The following SGSM1 variants were observed in gnomAD, a reference collection of about 807,000 sequenced individuals.
SGSM1 encodes the protein small G protein signaling modulator 1.
Under a neutral mutation model 133.8 loss-of-function variants are expected in SGSM1, and 73 were observed. The ratio of observed to expected loss-of-function variants is 0.55; its 90% confidence interval spans 0.45 to 0.66. The LOEUF is 0.66. SGSM1 is among the 30% of genes least tolerant of loss of function. SGSM1 has a pLI of 0.00. For missense variants in SGSM1, 1,213 were observed against 1,448.1 expected (o/e 0.84, Z 2.64); for synonymous variants, 563 against 573.0 (o/e 0.98, Z 0.25).
intron 12 of SGSM1, among the ~76,000 whole-genome samples, chr22:24,870,131 C>G (rs1179985197): frequency 6.6e-6 from 1 of 152,222 alleles, no homozygotes; most frequent in Admixed American, 6.5e-5. Context: ...ACCCCTTAAG[C>G]GCTACAGTGT....
chr22:24,899,518 C>CTTTTTTTTT (rs56027362), intron 19 of SGSM1, among the ~76,000 whole-genome samples: 1 of 133,878 alleles, frequency 7.5e-6, no homozygotes, highest in Non-Finnish European at 1.6e-5. Flanking sequence ...CTTTTCTTTT[C>CTTTTTTTTT]TTTTTTTTTT....
chr22:24,919,312 A>C (rs1292717865), intron 23 of SGSM1, among the ~76,000 whole-genome samples: 1 of 151,966 alleles, frequency 6.6e-6, no homozygotes. Context: ...GGCCTCCCAA[A>C]GTGCTGGGAT....
intron 9 of SGSM1, among the ~76,000 whole-genome samples, chr22:24,861,952 C>CTTTTTTTTTTT: frequency 7.0e-6 from 1 of 142,350 alleles, no homozygotes; most frequent in African/African-American, 2.8e-5. Flanking sequence ...TTCTTTCTTT[C>CTTTTTTTTTTT]TTTCTTTTTT....
At position 24,915,253 on chromosome 22, in the gene SGSM1, T is replaced by TAAATAAATAAATAAATAAAC. The variant is rs375854809; in HGVS notation, c.2929-2402_2929-2401insTAAATAAATAAATAAACAAA. ...CAAAATAAATAAATAAATAAATAAA[T>TAAATAAATAAATAAATAAAC]AAACAAACAGCGCTGCACTGAAATT... On this transcript the variant is annotated intron_variant, in intron 22 of 24. Coordinates refer to ENST00000400358, the MANE Select transcript of SGSM1 (RefSeq NM_001098497.3). Among the ~76,000 whole-genome samples the TAAATAAATAAATAAATAAAC allele has an allele frequency of 9.1e-4, 127 of 139,558 alleles. No individual in the cohort carries two copies. The East Asian group carries it at 0.012, about 13-fold the overall frequency. 91.6% of individuals were successfully genotyped at this position (139,558 alleles called of 152,430 possible).
intron 18 of SGSM1, among the ~76,000 whole-genome samples, chr22:24,896,400 A>G (rs1932914980): frequency 6.6e-6 from 1 of 152,206 alleles, no homozygotes; most frequent in African/African-American, 2.4e-5. Flanking sequence ...CAAGTTGGTG[A>G]CATAACCACA....
chr22:24,827,656 C>T (rs57312522), intron 2 of SGSM1, among the ~76,000 whole-genome samples: 1,701 of 152,160 alleles, frequency 0.011, 62 homozygotes, highest in Admixed American at 0.071. Context: ...TTTGAAGAAT[C>T]CCTGCTGTGT....
chr22:24,856,370 G>A (rs1034303464), intron 8 of SGSM1, among the ~76,000 whole-genome samples: 4 of 146,474 alleles, frequency 2.7e-5, no homozygotes, highest in Non-Finnish European at 1.5e-5. Context: ...GGGCTGTACA[G>A]GTGAAGGCGC....
intron 24 of SGSM1, among the ~76,000 whole-genome samples, chr22:24,920,384 G>A (rs191550877): frequency 1.2e-3 from 178 of 152,302 alleles, no homozygotes; most frequent in African/African-American, 4.0e-3. Context: ...AGCAATTTGA[G>A]TAACACGAAA....
At chr22:24,868,694 G>A (rs1931596395) in intron 11 of SGSM1, 29 bp from the exon 12 acceptor site, 1 of 1,613,046 alleles carries the variant, frequency 6.2e-7, no homozygotes, top group Non-Finnish European at 8.5e-7. Context: ...TGTGTCCCAA[G>A]GACCTTGTTT....
At chr22:24,911,606 G>GTATA (rs1354104779) in intron 21 of SGSM1, among the ~76,000 whole-genome samples, 1 of 152,166 alleles carries the variant, frequency 6.6e-6, no homozygotes, top group Non-Finnish European at 1.5e-5. Context: ...CATGGTGACA[G>GTATA]TATATACCCT....
intron 21 of SGSM1, among the ~76,000 whole-genome samples, 195 bp from the exon 22 acceptor site, chr22:24,912,448 G>A (rs1338471414): frequency 6.6e-6 from 1 of 152,172 alleles, no homozygotes; most frequent in Non-Finnish European, 1.5e-5. Context: ...GGAGGCCAAG[G>A]CAGGCAGATC....
intron 24 of SGSM1, among the ~76,000 whole-genome samples, chr22:24,921,823 C>T (rs1318078353): frequency 6.6e-6 from 1 of 151,922 alleles, no homozygotes; most frequent in Non-Finnish European, 1.5e-5. Context: ...CCTCAGCCTC[C>T]TGAGTAGCTG....
chr22:24,822,088 CTTTTT>C lies in SGSM1; in HGVS notation c.63+15620_63+15624del, dbSNP rs71320790. Among the ~76,000 whole-genome samples, 6 of 96,128 alleles carry C rather than the reference CTTTTT, an allele frequency of 6.2e-5. No individual in the cohort carries two copies. The East Asian group carries it at 1.6e-3, about 25-fold the overall frequency. The allele number at this position is 96,128 out of a possible 152,430, so 63.1% of individuals were successfully genotyped here. A position where few individuals can be genotyped will look rare whatever the true frequency, so the allele number is the denominator to read the frequency against. On this transcript the variant is annotated intron_variant, in intron 2 of 24. Coordinates refer to ENST00000400358, the MANE Select transcript of SGSM1 (RefSeq NM_001098497.3). ...CCATGCTCTACCTGTTCATCTCTCTCTTTTTTTTTTTTTTTTTTTTGAGACAGAGT... is the reference window on the plus strand; with the variant it reads ...CCATGCTCTACCTGTTCATCTCTCTCTTTTTTTTTTTTTTTGAGACAGAGT...
intron 22 of SGSM1, 54 bp from the exon 23 acceptor site, chr22:24,917,604 C>T (rs1933864823): frequency 1.5e-6 from 2 of 1,357,692 alleles, no homozygotes; most frequent in Non-Finnish European, 2.1e-6. Context: ...TCAGCTGTCT[C>T]CTCTGCTCCA....
intron 24 of SGSM1, among the ~76,000 whole-genome samples, chr22:24,922,184 T>TC (rs1569181381): frequency 7.0e-6 from 1 of 143,234 alleles, no homozygotes. Context: ...ACTTTCTTTT[T>TC]TTTTTTTTTT....
intron 2 of SGSM1, among the ~76,000 whole-genome samples, chr22:24,828,054 G>A (rs1018590780): frequency 1.3e-5 from 2 of 152,016 alleles, no homozygotes; most frequent in Admixed American, 6.6e-5. Flanking sequence ...GGTGTGATTG[G>A]TGCAGTCTTG....
At chr22:24,855,805 T>A in intron 8 of SGSM1, 125 bp downstream of exon 8, 1 of 1,388,436 alleles carries the variant, frequency 7.2e-7, no homozygotes, top group East Asian at 2.4e-5. Context: ...CATGCACACA[T>A]CCACCCGCCC....
intron 2 of SGSM1, among the ~76,000 whole-genome samples, chr22:24,808,102 T>A (rs1041655903): frequency 2.0e-5 from 3 of 151,570 alleles, no homozygotes; most frequent in Non-Finnish European, 4.4e-5. Context: ...TCTTATCTTT[T>A]TTTTTTCTTG....
intron 12 of SGSM1, among the ~76,000 whole-genome samples, chr22:24,869,697 C>T (rs1293634733): frequency 1.3e-5 from 2 of 152,202 alleles, no homozygotes; most frequent in African/African-American, 4.8e-5. Flanking sequence ...AGCAGGCCCT[C>T]AGTAAGTTGT....
Sources: allele counts gnomAD v4.1 joint callset (sites outside exome capture counted in the v4.1 genomes callset), GRCh38; gene constraint gnomAD v4.1.1; transcripts MANE v1.5; gene names NCBI Gene and HGNC (gene_info 2026-07-23, HGNC 2026-07-21).